CAMTA1: variants seen among roughly 807,000 people sequenced by gnomAD.
CAMTA1 encodes the protein calmodulin binding transcription activator 1, also known as calmodulin-binding transcription activator 1.
CAMTA1 carries 27 observed loss-of-function variants against 170.9 expected under a neutral mutation model. That is an observed-to-expected ratio of 0.16 (90% confidence interval 0.12 to 0.22). The LOEUF is 0.22. Ranked by LOEUF, CAMTA1 falls within the 10% of genes least tolerant of loss-of-function variation. The pLI is 1.00. For missense variants in CAMTA1, 1,619 were observed against 2,217.2 expected (o/e 0.73, Z 5.42); for synonymous variants, 833 against 891.5 (o/e 0.93, Z 1.17).
chr1:6,842,924 CAA>C (rs532107406), intron 3 of CAMTA1, among the ~76,000 whole-genome samples: 1 of 128,220 alleles, frequency 7.8e-6, no homozygotes, highest in Admixed American at 7.9e-5. Context: ...GTCTCCATCT[CAA>C]AAAAAAAAAA....
At chr1:7,236,728 A>T (rs1663939141) in intron 4 of CAMTA1, among the ~76,000 whole-genome samples, 1 of 152,214 alleles carries the variant, frequency 6.6e-6, no homozygotes, top group African/African-American at 2.4e-5. Flanking sequence ...AATAAATGGC[A>T]GCTCTTCTCA....
At chr1:7,689,329 T>A (rs193226747) in intron 11 of CAMTA1, among the ~76,000 whole-genome samples, 79 of 150,848 alleles carry the variant, frequency 5.2e-4, no homozygotes, top group African/African-American at 1.7e-3. Context: ...ATCCCAGCAC[T>A]TTTGGAAGCT....
intron 4 of CAMTA1, among the ~76,000 whole-genome samples, chr1:7,227,124 C>T (rs1190526308): frequency 2.0e-5 from 3 of 152,116 alleles, no homozygotes; most frequent in Admixed American, 6.5e-5. Flanking sequence ...TGAGCCACCA[C>T]GCCCGGCCAA....
chr1:7,654,240 G>C (rs1429288480), intron 7 of CAMTA1, among the ~76,000 whole-genome samples: 2 of 151,996 alleles, frequency 1.3e-5, no homozygotes, highest in African/African-American at 4.8e-5. Context: ...ACTTAGCCAG[G>C]CGTGGTGGCG....
At chr1:6,942,286 A>G (rs1686785635) in intron 3 of CAMTA1, among the ~76,000 whole-genome samples, 1 of 152,184 alleles carries the variant, frequency 6.6e-6, no homozygotes, top group Non-Finnish European at 1.5e-5. Flanking sequence ...TTAACCTTAT[A>G]TATGTACTTA....
At chr1:7,450,010 A>G (rs2092783944) in intron 5 of CAMTA1, among the ~76,000 whole-genome samples, 1 of 151,846 alleles carries the variant, frequency 6.6e-6, no homozygotes, top group Non-Finnish European at 1.5e-5. Context: ...CCATCATGTT[A>G]CCCTTAGGGC....
At chr1:6,905,353 C>T (rs948037172) in intron 3 of CAMTA1, among the ~76,000 whole-genome samples, 5 of 151,888 alleles carry the variant, frequency 3.3e-5, no homozygotes, top group African/African-American at 4.8e-5. Flanking sequence ...GCAACCACAC[C>T]TGGCTAATTT....
At chr1:7,521,486 C>T (rs1308594088) in intron 6 of CAMTA1, among the ~76,000 whole-genome samples, 1 of 151,516 alleles carries the variant, frequency 6.6e-6, no homozygotes, top group Non-Finnish European at 1.5e-5. Context: ...GTGTGTGTTT[C>T]ATTCTCTACA....
chr1:7,427,365 C>T (rs1001436816), intron 5 of CAMTA1, among the ~76,000 whole-genome samples: 4 of 152,026 alleles, frequency 2.6e-5, no homozygotes, highest in Non-Finnish European at 5.9e-5. Context: ...AAGTAGATTG[C>T]GAGTGATCCA....
chr1:7,505,167 C>T (rs1306714199), intron 6 of CAMTA1, among the ~76,000 whole-genome samples: 1 of 152,226 alleles, frequency 6.6e-6, no homozygotes, highest in Non-Finnish European at 1.5e-5. Context: ...CAAGTGCACA[C>T]ATGTTTGTTG....
At chr1:6,790,928 A>G (rs948592744) in intron 1 of CAMTA1, among the ~76,000 whole-genome samples, 11 of 152,158 alleles carry the variant, frequency 7.2e-5, no homozygotes, top group Non-Finnish European at 1.3e-4. Flanking sequence ...ATAGAAACCA[A>G]TTCTGCTACT....
intron 3 of CAMTA1, among the ~76,000 whole-genome samples, chr1:7,047,389 G>T (rs55820106): frequency 6.6e-6 from 1 of 152,218 alleles, no homozygotes; most frequent in Non-Finnish European, 1.5e-5. Flanking sequence ...TCTAGATGCA[G>T]GAGGGGATAA....
chr1:7,141,156 T>A (rs542502745), intron 4 of CAMTA1, among the ~76,000 whole-genome samples: 11 of 152,288 alleles, frequency 7.2e-5, no homozygotes, highest in African/African-American at 2.4e-4. Context: ...CTTTGGTTGG[T>A]CATACCTTCT....
rs765397526 is a variant in CAMTA1, at chr1:7,173,515, G to A, written c.303-75976G>A. ...CGATTCTCCTACCTCAGCATCTCAAGTAGCTGGGATTACAGGCACGTGCCA... is the reference window on the plus strand; with the variant it reads ...CGATTCTCCTACCTCAGCATCTCAAATAGCTGGGATTACAGGCACGTGCCA... On this transcript the variant is annotated intron_variant, in intron 4 of 22. Transcript: ENST00000303635. The surrounding 1 kb of genome is among the most constrained non-coding windows in gnomAD (Gnocchi z 5.4). Among the ~76,000 whole-genome samples, 1 of 151,968 alleles carries A rather than the reference G, an allele frequency of 6.6e-6. No homozygotes were observed. Among genetic ancestry groups the A allele is most frequent in the Non-Finnish European group, 1.5e-5 (1 of 68,000 alleles).
At chr1:6,838,083 G>A (rs932675178) in intron 3 of CAMTA1, among the ~76,000 whole-genome samples, 1 of 152,106 alleles carries the variant, frequency 6.6e-6, no homozygotes, top group African/African-American at 2.4e-5. Flanking sequence ...ATAGTCCCTG[G>A]AGTGTCCAGG....
At chr1:7,495,753 G>A (rs1191441149) in intron 6 of CAMTA1, among the ~76,000 whole-genome samples, 2 of 152,220 alleles carry the variant, frequency 1.3e-5, no homozygotes, top group Non-Finnish European at 2.9e-5. Flanking sequence ...GTGTTTATCA[G>A]GGAGATTTCT....
chr1:7,212,094 A>G (rs915619654), intron 4 of CAMTA1, among the ~76,000 whole-genome samples: 6 of 152,224 alleles, frequency 3.9e-5, no homozygotes, highest in African/African-American at 9.6e-5. Flanking sequence ...CTATAGTTCA[A>G]TGTTTGTTTA....
chr1:7,398,021 A>G (rs1233525907), intron 5 of CAMTA1, among the ~76,000 whole-genome samples: 2 of 151,216 alleles, frequency 1.3e-5, no homozygotes, highest in Non-Finnish European at 1.5e-5. Flanking sequence ...TTTAGTTTAA[A>G]TATAATGTTT....
At chr1:6,862,959 A>G (rs1035213830) in intron 3 of CAMTA1, among the ~76,000 whole-genome samples, 1 of 152,230 alleles carries the variant, frequency 6.6e-6, no homozygotes, top group Non-Finnish European at 1.5e-5. Flanking sequence ...AAGAATATAA[A>G]TCATCAGAAT....
Sources: allele counts gnomAD v4.1 joint callset (sites outside exome capture counted in the v4.1 genomes callset), GRCh38; gene constraint gnomAD v4.1.1; non-coding constraint Gnocchi (gnomAD v3.1); transcripts MANE v1.5; gene names NCBI Gene and HGNC (gene_info 2026-07-23, HGNC 2026-07-21).